Variants in SLC44A1 observed in about 807,000 individuals in gnomAD.
SLC44A1 encodes choline transporter-like protein 1.
Under a neutral mutation model 79.3 loss-of-function variants are expected in SLC44A1, and 26 were observed. The ratio of observed to expected loss-of-function variants is 0.33; its 90% CI spans 0.24 to 0.46. SLC44A1 has a LOEUF of 0.46. Among genes scored for constraint, SLC44A1 ranks in the 20% least tolerant of loss-of-function variants. The pLI is 1.00. For missense variants in SLC44A1, 688 were observed against 798.1 expected (o/e 0.86, Z 1.66); for synonymous variants, 263 against 286.2 (o/e 0.92, Z 0.82).
chr9:105,313,777 G>A (rs887533774), intron 3 of SLC44A1, among the ~76,000 whole-genome samples: 2 of 151,358 alleles, frequency 1.3e-5, no homozygotes. Flanking sequence ...ATTATTATTG[G>A]AGGCAGAGTC....
intron 1 of SLC44A1, among the ~76,000 whole-genome samples, chr9:105,288,492 G>A (rs927725869): frequency 1.3e-5 from 2 of 152,090 alleles, no homozygotes; most frequent in Non-Finnish European, 2.9e-5. Flanking sequence ...AGGACCACAG[G>A]TGTGTGCCAC....
intron 1 of SLC44A1, among the ~76,000 whole-genome samples, chr9:105,256,159 T>C (rs1384514407): frequency 6.6e-6 from 1 of 152,030 alleles, no homozygotes; most frequent in African/African-American, 2.4e-5. Context: ...ACTGCAGGCA[T>C]GTACCACCAT....
At chr9:105,262,097 A>G (rs1359694032) in intron 1 of SLC44A1, among the ~76,000 whole-genome samples, 3 of 152,028 alleles carry the variant, frequency 2.0e-5, no homozygotes, top group African/African-American at 7.2e-5. Flanking sequence ...TGTTTCTTAT[A>G]TAGCTAAATA....
At chr9:105,433,856 A>G (rs1829430630) in intron 15 of SLC44A1, among the ~76,000 whole-genome samples, 2 of 152,250 alleles carry the variant, frequency 1.3e-5, no homozygotes, top group Non-Finnish European at 2.9e-5. Context: ...AAAACTTCCA[A>G]TTAATTTTAG....
intron 13 of SLC44A1, among the ~76,000 whole-genome samples, chr9:105,381,549 A>C (rs1261307941): frequency 6.8e-6 from 1 of 147,586 alleles, no homozygotes; most frequent in Non-Finnish European, 1.5e-5. Context: ...CTCTGTCTCG[A>C]AAAAAAAAAA....
Position 105,392,976 on chromosome 9 carries a change from CA to C in SLC44A1, c.*3923del. ...TACTTTAAAAAAAAAACAACAACAA[CA>C]AATAAAACTCTCAGAGTCTGGAGGC... On this transcript the variant is annotated 3_prime_UTR_variant, in exon 16 of 16. Transcript: ENST00000374720. 3.1e-6 allele frequency: 3 copies of C among 964,156 alleles called. No homozygotes were observed. The South Asian group carries it at 1.5e-4, about 47-fold the overall frequency. The allele number at this position is 964,156 out of a possible 1,614,324, so 59.7% of individuals were successfully genotyped here. A position where few individuals can be genotyped will look rare whatever the true frequency, so the allele number is the denominator to read the frequency against.
chr9:105,373,392 G>C (rs999064816), intron 12 of SLC44A1, among the ~76,000 whole-genome samples: 2 of 152,034 alleles, frequency 1.3e-5, no homozygotes, highest in African/African-American at 4.8e-5. Context: ...CATCAATGCT[G>C]TTCTAGAATG....
intron 1 of SLC44A1, among the ~76,000 whole-genome samples, chr9:105,253,743 G>A (rs972709545): frequency 1.3e-5 from 2 of 151,222 alleles, no homozygotes; most frequent in African/African-American, 4.9e-5. Flanking sequence ...ATTTTTTTTT[G>A]AGACAGAGTC....
intron 1 of SLC44A1, among the ~76,000 whole-genome samples, chr9:105,264,203 AC>A (rs1195601135): frequency 1.1e-4 from 17 of 151,970 alleles, no homozygotes; most frequent in African/African-American, 3.9e-4. Flanking sequence ...CTACTCTGTC[AC>A]CCAGGCTGGA....
chr9:105,261,650 C>G (rs1414709931), intron 1 of SLC44A1, among the ~76,000 whole-genome samples: 1 of 152,098 alleles, frequency 6.6e-6, no homozygotes, highest in South Asian at 2.1e-4. Flanking sequence ...AGGCTAAGTA[C>G]TGGGCTCAAC....
At chr9:105,249,487 A>T (rs1026491170) in intron 1 of SLC44A1, among the ~76,000 whole-genome samples, 2 of 152,026 alleles carry the variant, frequency 1.3e-5, no homozygotes, top group Non-Finnish European at 2.9e-5. Context: ...TGTAAATCAA[A>T]GTTAATTTCG....
rs1369824262 is a variant in SLC44A1, at chr9:105,260,402, C to T, written c.36+15498C>T. 2.0e-5 allele frequency among the ~76,000 whole-genome samples: 3 copies of T among 152,176 alleles called. No homozygotes were observed. The East Asian group carries it at 5.8e-4, about 29-fold the overall frequency. On this transcript the variant is annotated intron_variant, in intron 1 of 15. Transcript: ENST00000374720. ...TTGAGTAACACTGCTTGAAATACTG[C>T]TTCTCAATTTCATTCTCCCAAATGA...
chr9:105,393,805 TC>T lies in SLC44A1; in HGVS notation c.*4750del. On this transcript the variant is annotated 3_prime_UTR_variant, in exon 16 of 16. Transcript: ENST00000374720. ...TGTTCGAGACCTATTAGGCTATTCTTCAGTTTTGATGCTCAGTTTTACAACT... is the reference window on the plus strand; with the variant it reads ...TGTTCGAGACCTATTAGGCTATTCTTAGTTTTGATGCTCAGTTTTACAACT... 1 of 985,274 alleles carries T rather than the reference TC, an allele frequency of 1.0e-6. No homozygotes were observed. The highest frequency in any genetic ancestry group is 1.2e-6 in the Non-Finnish European group (1 of 829,776). The allele number at this position is 985,274 out of a possible 1,614,324, so 61.0% of individuals were successfully genotyped here.
intron 3 of SLC44A1, 110 bp downstream of exon 3, chr9:105,309,976 A>G (rs1011432610): frequency 1.8e-6 from 2 of 1,140,452 alleles, no homozygotes; most frequent in Non-Finnish European, 2.4e-6. Context: ...TATTATTTTT[A>G]TGTGACTTCT....
At chr9:105,372,666 G>A (rs1256285603) in intron 12 of SLC44A1, among the ~76,000 whole-genome samples, 1 of 151,456 alleles carries the variant, frequency 6.6e-6, no homozygotes, top group Admixed American at 6.6e-5. Context: ...AGAACCACAG[G>A]TAGGCCGGGC....
chr9:105,432,000 G>A (rs934022076), intron 15 of SLC44A1, among the ~76,000 whole-genome samples: 1 of 152,198 alleles, frequency 6.6e-6, no homozygotes, highest in Non-Finnish European at 1.5e-5. Context: ...TTGGCTCACT[G>A]CAACCTCTGC....
chr9:105,306,640 A>G (rs528292262), intron 2 of SLC44A1, among the ~76,000 whole-genome samples: 1 of 149,364 alleles, frequency 6.7e-6, no homozygotes, highest in African/African-American at 2.5e-5. Context: ...AAAATATGTC[A>G]GTGTCCCATT....
intron 15 of SLC44A1, among the ~76,000 whole-genome samples, chr9:105,434,899 T>G (rs989679579): frequency 2.0e-5 from 3 of 152,160 alleles, no homozygotes; most frequent in Non-Finnish European, 4.4e-5. Flanking sequence ...AATCCCAGCA[T>G]TTTGGGATGC....
In SLC44A1 at chr9:105,383,333, G is replaced by A; in HGVS notation, c.1843G>A (p.Glu615Lys). Reference protein sequence around the residue: ...TKYNDGSPGREFYMDKVLMEF... With the variant: ...TKYNDGSPGRKFYMDKVLMEF... ...ATACAATGATGGGAGCCCTGGCAGAGAATTCTATATGGATAAAGTGCTGAT... is the reference window on the plus strand; with the variant it reads ...ATACAATGATGGGAGCCCTGGCAGAAAATTCTATATGGATAAAGTGCTGAT... Residue 615 changes from glutamate to lysine, a missense_variant, in exon 14 of 16, where the codon GAA becomes AAA. Coordinates refer to ENST00000374720, the MANE Select transcript of SLC44A1 (RefSeq NM_080546.5). The A allele has an allele frequency of 6.2e-7, 1 of 1,608,714 alleles. No individual in the cohort carries two copies. Among genetic ancestry groups the A allele is most frequent in the Non-Finnish European group, 8.5e-7 (1 of 1,175,028 alleles).
Sources: allele counts gnomAD v4.1 joint callset (sites outside exome capture counted in the v4.1 genomes callset), GRCh38; gene constraint gnomAD v4.1.1; transcripts MANE v1.5; gene names NCBI Gene and HGNC (gene_info 2026-07-23, HGNC 2026-07-21).